Variants in ANK2 observed in about 807,000 individuals in gnomAD.
The protein encoded by ANK2 is ankyrin-2.
In ANK2, 83 loss-of-function variants were observed where a neutral mutation model predicts 360.5. The observed-to-expected ratio is 0.23, with a 90% CI of 0.19 to 0.28. The LOEUF is 0.28. ANK2 is among the 10% of genes least tolerant of loss of function. ANK2 has a pLI of 1.00. For synonymous variants in ANK2, 1,740 were observed against 1,759.5 expected (o/e 0.99, Z 0.28); for missense variants, 4,201 against 4,795.7 (o/e 0.88, Z 3.66).
chr4:113,045,972 T>A (rs1369269099), upstream of ANK2, among the ~76,000 whole-genome samples: 2 of 152,210 alleles, frequency 1.3e-5, no homozygotes, highest in Non-Finnish European at 2.9e-5. Flanking sequence ...TGCACTGCAG[T>A]AGGCTTTATG....
At chr4:112,841,893 A>T (rs1165275362) in intron 1 of ANK2, among the ~76,000 whole-genome samples, 1 of 152,218 alleles carries the variant, frequency 6.6e-6, no homozygotes, top group African/African-American at 2.4e-5. Flanking sequence ...TATTTTTATT[A>T]ATTTAAAGTA....
chr4:113,041,697 G>T (rs554038551), intron 2 of ANK2, among the ~76,000 whole-genome samples: 1 of 152,246 alleles, frequency 6.6e-6, no homozygotes, highest in Non-Finnish European at 1.5e-5. Flanking sequence ...AGTTTAGGCT[G>T]CTGTAACAGA....
At position 113,050,651 on chromosome 4, in the gene ANK2, C is replaced by T. The variant is rs912151559; in HGVS notation, c.84+839C>T. 2.0e-5 allele frequency among the ~76,000 whole-genome samples: 3 copies of T among 152,116 alleles called. No homozygotes were observed. The East Asian group carries it at 5.8e-4, about 29-fold the overall frequency. On this transcript the variant is annotated intron_variant, in intron 1 of 45. Transcript: ENST00000357077. ...GAGCCTCACCTCTGAAAGAGATGCT[C>T]TATAAATAAATTCTCCTAAAATGCA...
intron 13 of ANK2, among the ~76,000 whole-genome samples, chr4:113,263,187 G>GAAAAAAA (rs762758720): frequency 7.9e-5 from 5 of 63,624 alleles, no homozygotes; most frequent in African/African-American, 1.2e-4. Context: ...GACTCTGTCT[G>GAAAAAAA]AAAAAAAAAA....
chr4:112,934,000 T>C (rs544421971), intron 2 of ANK2, among the ~76,000 whole-genome samples: 1 of 151,946 alleles, frequency 6.6e-6, no homozygotes, highest in South Asian at 2.1e-4. Context: ...CATGTGAGAA[T>C]GGTTAAAGAT....
At chr4:113,132,754 G>T (rs1254359672) in intron 1 of ANK2, among the ~76,000 whole-genome samples, 2 of 152,090 alleles carry the variant, frequency 1.3e-5, no homozygotes, top group African/African-American at 4.8e-5. Context: ...CAACATTGGG[G>T]TTCTCACTCC....
Position 113,369,809 on chromosome 4 carries a change from A to G in ANK2, c.11610+4A>G, listed in dbSNP as rs760756183. On this transcript the variant is annotated splice_donor_region_variant and intron_variant, in intron 43 of 45. Coordinates refer to ENST00000357077, the MANE Select transcript of ANK2 (RefSeq NM_001148.6). ...TGAAGATGCAGCTTTTGAAAAGGTAAGACATTCCTCTCCACTTTCTCGCCC... is the reference window on the plus strand; with the variant it reads ...TGAAGATGCAGCTTTTGAAAAGGTAGGACATTCCTCTCCACTTTCTCGCCC... The G allele has an allele frequency of 1.2e-6, 2 of 1,614,090 alleles. No homozygotes were observed. The highest frequency in any genetic ancestry group is 1.7e-6 in the Non-Finnish European group (2 of 1,180,004).
chr4:113,166,598 G>GT (rs897322519), intron 1 of ANK2, among the ~76,000 whole-genome samples: 7 of 151,462 alleles, frequency 4.6e-5, no homozygotes, highest in Admixed American at 1.3e-4. Flanking sequence ...ACTAGTTTTT[G>GT]TTTTTTTGGT....
intron 2 of ANK2, among the ~76,000 whole-genome samples, chr4:113,194,580 G>A (rs188598747): frequency 6.6e-6 from 1 of 152,230 alleles, no homozygotes; most frequent in Admixed American, 6.5e-5. Context: ...ATTGATTAAT[G>A]TGCACATGGT....
At chr4:113,133,497 C>T (rs1338733642) in intron 1 of ANK2, among the ~76,000 whole-genome samples, 2 of 152,094 alleles carry the variant, frequency 1.3e-5, no homozygotes, top group Non-Finnish European at 2.9e-5. Context: ...CCTTAAGTGA[C>T]AGACCCCAGA....
intron 4 of ANK2, chr4:113,214,365 C>G: frequency 3.5e-6 from 3 of 867,874 alleles, no homozygotes; most frequent in Non-Finnish European, 5.5e-6. Context: ...CTTTTTGGCA[C>G]GACCATTGTT....
At chr4:113,366,955 A>T (rs1188056132) in intron 41 of ANK2, among the ~76,000 whole-genome samples, 1 of 152,174 alleles carries the variant, frequency 6.6e-6, no homozygotes, top group African/African-American at 2.4e-5. Context: ...CAATAGATGA[A>T]TGCCAGTCAC....
intron 1 of ANK2, among the ~76,000 whole-genome samples, chr4:112,878,670 G>A (rs980211327): frequency 1.3e-5 from 2 of 151,966 alleles, no homozygotes; most frequent in African/African-American, 4.8e-5. Flanking sequence ...GTCTCGCTCT[G>A]TCGCCTAGGC....
intron 2 of ANK2, among the ~76,000 whole-genome samples, chr4:113,011,983 C>T (rs1388421597): frequency 6.6e-6 from 1 of 152,058 alleles, no homozygotes; most frequent in Non-Finnish European, 1.5e-5. Flanking sequence ...TTATTATTCT[C>T]ATAATACCAT....
chr4:113,330,635 C>T (rs2092171835), intron 27 of ANK2, among the ~76,000 whole-genome samples, 165 bp downstream of exon 27: 2 of 152,238 alleles, frequency 1.3e-5, no homozygotes, highest in Admixed American at 6.5e-5. Flanking sequence ...CTTGACTCCA[C>T]TTACACGCCT....
chr4:112,939,357 T>C (rs1055057477), intron 2 of ANK2, among the ~76,000 whole-genome samples: 2 of 152,218 alleles, frequency 1.3e-5, no homozygotes, highest in Non-Finnish European at 2.9e-5. Flanking sequence ...TTGCCCAGGC[T>C]GGAGTGCAGT....
chr4:113,294,459 C>T (rs2069884519), intron 22 of ANK2, among the ~76,000 whole-genome samples: 3 of 152,158 alleles, frequency 2.0e-5, no homozygotes, highest in Admixed American at 2.0e-4. Context: ...ATAAAGAATT[C>T]TGAAGGAGGT....
intron 4 of ANK2, among the ~76,000 whole-genome samples, chr4:113,207,482 C>T (rs1187707080): frequency 6.6e-6 from 1 of 152,104 alleles, no homozygotes; most frequent in Admixed American, 6.5e-5. Flanking sequence ...TCAAATTTTA[C>T]ATAAGAGTTA....
Position 113,197,086 on chromosome 4 carries a change from A to C in ANK2, c.285+620A>C, listed in dbSNP as rs182351050. On this transcript the variant is annotated intron_variant, in intron 3 of 45. Coordinates refer to ENST00000357077, the MANE Select transcript of ANK2 (RefSeq NM_001148.6). ...TTCCTACGGTTAACTCATTGTTTAA[A>C]AATAAACCCATGTGGGAAACTTCTC... 1.7e-3 allele frequency among the ~76,000 whole-genome samples: 266 copies of C among 152,352 alleles called. 2 individuals are homozygous for C. Among genetic ancestry groups the C allele is most frequent in the Non-Finnish European group, 3.2e-3 (221 of 68,036 alleles).
Sources: allele counts gnomAD v4.1 joint callset (sites outside exome capture counted in the v4.1 genomes callset), GRCh38; gene constraint gnomAD v4.1.1; transcripts MANE v1.5; gene names NCBI Gene and HGNC (gene_info 2026-07-23, HGNC 2026-07-21).